The following KCNIP4 variants were observed in gnomAD, a reference collection of about 807,000 sequenced individuals.
KCNIP4 encodes the protein potassium voltage-gated channel interacting protein 4, also known as Kv channel-interacting protein 4.
Under a neutral mutation model 34.0 loss-of-function variants are expected in KCNIP4, and 12 were observed. The ratio of observed to expected loss-of-function variants is 0.35; its 90% CI spans 0.23 to 0.57. The LOEUF (loss-of-function observed/expected upper bound fraction) is 0.57. Ranked by LOEUF, KCNIP4 falls within the 20% of genes least tolerant of loss-of-function variation. The pLI is 0.83. For missense variants in KCNIP4, 238 were observed against 311.7 expected, an observed-to-expected ratio of 0.76 and a Z score of 1.78; for synonymous variants, 124 against 102.2, an observed-to-expected ratio of 1.21 and a Z score of -1.29.
chr4:21,347,424 T>C (rs142471690), intron 1 of KCNIP4, among the ~76,000 whole-genome samples: 59 of 152,258 alleles, frequency 3.9e-4, no homozygotes, highest in African/African-American at 1.4e-3. Flanking sequence ...TCTGCTCTCT[T>C]CCTCCCACCC....
At chr4:21,177,363 A>G (rs1754488104) in intron 1 of KCNIP4, among the ~76,000 whole-genome samples, 1 of 152,178 alleles carries the variant, frequency 6.6e-6, no homozygotes, top group South Asian at 2.1e-4. Context: ...CAAACCATAT[A>G]TTACAGGGAA....
chr4:20,855,802 G>T (rs1721511954), intron 2 of KCNIP4, among the ~76,000 whole-genome samples: 1 of 152,130 alleles, frequency 6.6e-6, no homozygotes, highest in East Asian at 1.9e-4. Flanking sequence ...AAATGGAAAA[G>T]CTTCAGAATA....
intron 1 of KCNIP4, among the ~76,000 whole-genome samples, chr4:21,821,848 G>A (rs1722371641): frequency 6.6e-6 from 1 of 152,046 alleles, no homozygotes; most frequent in African/African-American, 2.4e-5. Flanking sequence ...CTTATAAAAT[G>A]TCACAATGAA....
chr4:21,732,710 A>G (rs554313963), intron 1 of KCNIP4, among the ~76,000 whole-genome samples: 1 of 152,204 alleles, frequency 6.6e-6, no homozygotes, highest in African/African-American at 2.4e-5. Flanking sequence ...TGACTGCCTC[A>G]ATACATTCGC....
At chr4:21,737,143 C>A (rs552119305) in intron 1 of KCNIP4, among the ~76,000 whole-genome samples, 1 of 152,296 alleles carries the variant, frequency 6.6e-6, no homozygotes, top group Non-Finnish European at 1.5e-5. Context: ...AGAAATAACG[C>A]CTAAGGTCTT....
Position 20,769,072 on chromosome 4 carries a change from C to CAAAA in KCNIP4, c.289-10186_289-10183dup, listed in dbSNP as rs5856579. On this transcript the variant is annotated intron_variant, in intron 3 of 8. Coordinates refer to ENST00000382152, the MANE Select transcript of KCNIP4 (RefSeq NM_025221.6). Reference sequence around the variant, plus strand: ...AAGGAAATCACATGAGATTTACAGCCAAAAAAAAAAAAAAAAACTGGCTCA... The same window carrying CAAAA: ...AAGGAAATCACATGAGATTTACAGCCAAAAAAAAAAAAAAAAAAAAACTGGCTCA... 2.6e-3 allele frequency among the ~76,000 whole-genome samples: 258 copies of CAAAA among 99,744 alleles called. 1 individual carries two copies. Among genetic ancestry groups the CAAAA allele is most frequent in the African/African-American group, 8.1e-3 (244 of 30,146 alleles). 65.4% of individuals were successfully genotyped at this position (99,744 alleles called of 152,430 possible).
At chr4:21,874,963 G>C (rs920288201) in intron 1 of KCNIP4, among the ~76,000 whole-genome samples, 1 of 152,182 alleles carries the variant, frequency 6.6e-6, no homozygotes, top group Non-Finnish European at 1.5e-5. Context: ...TGCTGGGAAG[G>C]AGGCATATTT....
At chr4:21,613,585 G>A (rs1205501077) in intron 1 of KCNIP4, 1 of 152,060 alleles carries the variant, frequency 6.6e-6, no homozygotes, top group Non-Finnish European at 1.5e-5. Flanking sequence ...GCCTATTGTT[G>A]TTTTAAGCCA....
chr4:21,217,348 T>C (rs1283038179), intron 1 of KCNIP4, among the ~76,000 whole-genome samples: 1 of 152,168 alleles, frequency 6.6e-6, no homozygotes, highest in African/African-American at 2.4e-5. Flanking sequence ...CAAAGAAGTC[T>C]ACATGGTCGT....
intron 1 of KCNIP4, among the ~76,000 whole-genome samples, chr4:20,996,690 C>A (rs1014524648): frequency 6.6e-6 from 1 of 152,164 alleles, no homozygotes; most frequent in African/African-American, 2.4e-5. Context: ...TGTCACCACT[C>A]CCTGGTTCCT....
intron 1 of KCNIP4, among the ~76,000 whole-genome samples, chr4:21,898,216 A>G (rs1727506845): frequency 6.6e-6 from 1 of 152,158 alleles, no homozygotes; most frequent in Admixed American, 6.5e-5. Flanking sequence ...CCAGTTGCCA[A>G]GCTGCAATTC....
At position 21,681,764 on chromosome 4, in the gene KCNIP4, C is replaced by T. The variant is rs1750375743; in HGVS notation, c.61+266807G>A. Among the ~76,000 whole-genome samples, 9 of 152,304 alleles carry T rather than the reference C, an allele frequency of 5.9e-5. No homozygotes were observed. In the South Asian group the frequency reaches 1.7e-3, roughly 28 times the overall value. ...TGTACAGGAAGCACAGCAGCATCTG[C>T]TTCTGGGGAGGCCTCAGAAAGCTTC... On this transcript the variant is annotated intron_variant, in intron 1 of 8. Coordinates refer to ENST00000382152, the MANE Select transcript of KCNIP4 (RefSeq NM_025221.6).
At chr4:21,325,607 G>A (rs1018288511) in intron 1 of KCNIP4, among the ~76,000 whole-genome samples, 2 of 151,000 alleles carry the variant, frequency 1.3e-5, no homozygotes, top group African/African-American at 4.9e-5. Flanking sequence ...ATTTATTTCT[G>A]CTCTGATCTT....
chr4:21,434,390 A>T (rs1367598291), intron 1 of KCNIP4, among the ~76,000 whole-genome samples: 1 of 152,138 alleles, frequency 6.6e-6, no homozygotes, highest in Non-Finnish European at 1.5e-5. Context: ...TTCTAAGAAA[A>T]ATTAATAGTA....
intron 1 of KCNIP4, among the ~76,000 whole-genome samples, chr4:21,411,325 C>T (rs1291739903): frequency 6.6e-6 from 1 of 152,004 alleles, no homozygotes. Context: ...ATAGTGAGGG[C>T]CATTGATCAA....
Position 21,097,092 on chromosome 4 carries a change from G to A in KCNIP4, c.62-214383C>T, listed in dbSNP as rs535442994. Among the ~76,000 whole-genome samples, 10 of 152,148 alleles carry A rather than the reference G, an allele frequency of 6.6e-5. No homozygotes were observed. The South Asian group carries it at 2.1e-3, about 32-fold the overall frequency. On this transcript the variant is annotated intron_variant, in intron 1 of 8. Coordinates refer to ENST00000382152, the MANE Select transcript of KCNIP4 (RefSeq NM_025221.6). ...ATACAACCCACCAATTCCATTTCTA[G>A]CTATCTTCCCCAAAGAAATGAAAAC...
intron 1 of KCNIP4, among the ~76,000 whole-genome samples, chr4:21,657,051 C>A (rs1218780140): frequency 1.3e-5 from 2 of 152,150 alleles, no homozygotes; most frequent in Non-Finnish European, 2.9e-5. Flanking sequence ...TTCAGGAAGC[C>A]TTCCCTGACC....
intron 1 of KCNIP4, among the ~76,000 whole-genome samples, chr4:21,330,377 T>C (rs1423305879): frequency 1.3e-5 from 2 of 152,170 alleles, no homozygotes; most frequent in Admixed American, 6.5e-5. Context: ...CTTTGAAGCA[T>C]TGACTGTAAA....
intron 1 of KCNIP4, among the ~76,000 whole-genome samples, chr4:21,209,744 T>C (rs1757100804): frequency 6.6e-6 from 1 of 152,070 alleles, no homozygotes. Flanking sequence ...CAGTGTCTTG[T>C]ACAGTGTTGA....
Sources: allele counts gnomAD v4.1 joint callset (sites outside exome capture counted in the v4.1 genomes callset), GRCh38; gene constraint gnomAD v4.1.1; transcripts MANE v1.5; gene names NCBI Gene and HGNC (gene_info 2026-07-23, HGNC 2026-07-21).